The following STAG1 variants were observed in gnomAD, a reference collection of about 807,000 sequenced individuals.
STAG1 encodes the protein STAG1 cohesin complex component.
In STAG1, 26 loss-of-function variants were observed where a neutral mutation model predicts 170.9. The observed-to-expected ratio is 0.15, with a 90% confidence interval of 0.11 to 0.21. The LOEUF (loss-of-function observed/expected upper bound fraction) is 0.21, where lower values mean the gene tolerates loss of function less well. Ranked by LOEUF, STAG1 falls within the 10% of genes least tolerant of loss-of-function variation. The probability of loss-of-function intolerance (pLI) is 1.00; values close to 1 mark genes in which losing one functional copy is unlikely to be tolerated. For missense variants in STAG1, 964 were observed against 1,509.5 expected, an observed-to-expected ratio of 0.64 and a Z score of 5.99; for synonymous variants, 514 against 497.7, an observed-to-expected ratio of 1.03 and a Z score of -0.44.
intron 6 of STAG1, among the ~76,000 whole-genome samples, chr3:136,530,051 C>T (rs1345707190): frequency 6.6e-6 from 1 of 151,988 alleles, no homozygotes; most frequent in Non-Finnish European, 1.5e-5. Flanking sequence ...AAAGATATTC[C>T]ACACAAATAG....
chr3:136,498,282 C>T (rs7429186), intron 9 of STAG1, among the ~76,000 whole-genome samples: 27,169 of 97,310 alleles, frequency 0.28, 5,344 homozygotes, highest in East Asian at 0.7. Flanking sequence ...ACCACACACA[C>T]ATACACACAC....
intron 26 of STAG1, among the ~76,000 whole-genome samples, chr3:136,362,878 TAA>T (rs1477821023): frequency 1.3e-5 from 2 of 151,892 alleles, no homozygotes; most frequent in Admixed American, 6.6e-5. Context: ...GCCACTGATA[TAA>T]GACTTTTATC....
intron 21 of STAG1, among the ~76,000 whole-genome samples, chr3:136,403,161 GAGGTTTTATGAGTCA>G (rs1369104491): frequency 7.9e-6 from 1 of 126,998 alleles, no homozygotes; most frequent in African/African-American, 2.9e-5. Context: ...CTGGGAGGCA[GAGGTTTTATGAGTCA>G]AGATCACACC....
chr3:136,399,907 C>G (rs2087269567), intron 21 of STAG1, among the ~76,000 whole-genome samples: 1 of 151,966 alleles, frequency 6.6e-6, no homozygotes, highest in African/African-American at 2.4e-5. Flanking sequence ...AATAATAAAA[C>G]TTTCTGAAAA....
intron 14 of STAG1, among the ~76,000 whole-genome samples, chr3:136,450,220 T>C (rs1441206489): frequency 2.0e-5 from 3 of 152,148 alleles, no homozygotes; most frequent in Non-Finnish European, 4.4e-5. Flanking sequence ...TTCAAATCAT[T>C]AGTATGCAAA....
At chr3:136,438,235 C>G (rs1018329081) in intron 15 of STAG1, among the ~76,000 whole-genome samples, 10 of 106,344 alleles carry the variant, frequency 9.4e-5, no homozygotes, top group African/African-American at 2.7e-4. Context: ...CGTTTAGTTT[C>G]TTTTCTTTTT....
At chr3:136,723,348 C>T (rs1933425160) in intron 1 of STAG1, among the ~76,000 whole-genome samples, 1 of 151,770 alleles carries the variant, frequency 6.6e-6, no homozygotes, top group South Asian at 2.1e-4. Flanking sequence ...CCCGCCGCCC[C>T]GTCTGGGATG....
At chr3:136,341,710 C>T (rs374059638) in intron 30 of STAG1, among the ~76,000 whole-genome samples, 159 bp from the exon 31 acceptor site, 1 of 152,062 alleles carries the variant, frequency 6.6e-6, no homozygotes, top group East Asian at 1.9e-4. Context: ...AATAAGTTGC[C>T]CAAAGATATC....
chr3:136,336,307 A>T lies in STAG1; in HGVS notation c.*1947T>A, dbSNP rs557280055. On this transcript the variant is annotated 3_prime_UTR_variant, in exon 34 of 34. Transcript: ENST00000383202. ...ATTGTACAAAAGGAAAAAAAACCTCATATTGCAAATGTACAATTTACAGAA... is the reference window on the plus strand; with the variant it reads ...ATTGTACAAAAGGAAAAAAAACCTCTTATTGCAAATGTACAATTTACAGAA... The T allele has an allele frequency of 1.3e-5, 2 of 152,226 alleles. 1 individual carries two copies. Among genetic ancestry groups the T allele is most frequent in the East Asian group, 3.8e-4 (2 of 5,202 alleles). The allele number at this position is 152,226 out of a possible 1,614,324, so 9.4% of individuals were successfully genotyped here. A position where few individuals can be genotyped will look rare whatever the true frequency, so the allele number is the denominator to read the frequency against.
At chr3:136,476,695 G>C (rs895411646) in intron 10 of STAG1, among the ~76,000 whole-genome samples, 1 of 152,028 alleles carries the variant, frequency 6.6e-6, no homozygotes, top group African/African-American at 2.4e-5. Flanking sequence ...GCTCTACTTT[G>C]GGGCTCTAAT....
At chr3:136,516,887 G>A (rs751504992) in intron 7 of STAG1, among the ~76,000 whole-genome samples, 2 of 152,160 alleles carry the variant, frequency 1.3e-5, no homozygotes, top group South Asian at 4.1e-4. Context: ...AGACGAATAT[G>A]AATTCAGACA....
intron 23 of STAG1, among the ~76,000 whole-genome samples, chr3:136,374,876 C>CA (rs1189073419): frequency 3.9e-5 from 6 of 152,098 alleles, no homozygotes; most frequent in African/African-American, 1.4e-4. Context: ...ATCACTCATT[C>CA]ACTCACTCAG....
chr3:136,708,669 A>C (rs1043866700), intron 1 of STAG1, among the ~76,000 whole-genome samples: 1 of 152,212 alleles, frequency 6.6e-6, no homozygotes, highest in Non-Finnish European at 1.5e-5. Flanking sequence ...AGTATGAAGT[A>C]TCAAACACTA....
chr3:136,509,615 G>C (rs1161028590), intron 7 of STAG1, among the ~76,000 whole-genome samples: 1 of 152,084 alleles, frequency 6.6e-6, no homozygotes, highest in Non-Finnish European at 1.5e-5. Flanking sequence ...AGGACAAGAA[G>C]AGTGTGAAGA....
intron 20 of STAG1, among the ~76,000 whole-genome samples, chr3:136,418,645 A>T (rs921698263): frequency 1.4e-4 from 20 of 146,824 alleles, no homozygotes; most frequent in Middle Eastern, 3.6e-3. Flanking sequence ...ATATAATAGT[A>T]TTTTTTTTTT....
chr3:136,452,294 G>A (rs530256481), intron 13 of STAG1, 147 bp from the exon 14 acceptor site: 1 of 594,000 alleles, frequency 1.7e-6, no homozygotes, highest in African/African-American at 1.9e-5. Flanking sequence ...GCCAGGTGCA[G>A]AGGCTCATGC....
At chr3:136,716,687 C>CTAA (rs937434054) in intron 1 of STAG1, among the ~76,000 whole-genome samples, 1 of 152,138 alleles carries the variant, frequency 6.6e-6, no homozygotes. Context: ...TTCTAATTAG[C>CTAA]TAACCAATCC....
chr3:136,521,468 T>C (rs976465937), intron 6 of STAG1, 51 bp from the exon 7 acceptor site: 1 of 1,546,998 alleles, frequency 6.5e-7, no homozygotes, highest in Non-Finnish European at 8.8e-7. Context: ...CAGAGTTTGA[T>C]GAAAGCTTTT....
At chr3:136,464,307 C>A (rs1312733524) in intron 13 of STAG1, among the ~76,000 whole-genome samples, 4 of 151,912 alleles carry the variant, frequency 2.6e-5, no homozygotes, top group African/African-American at 9.7e-5. Context: ...CCTGTAATCC[C>A]AGCTACTTGG....
Sources: gnomAD v4.1 joint callset for allele counts (sites outside exome capture counted in the v4.1 genomes callset) on GRCh38, gnomAD v4.1.1 for gene constraint, MANE v1.5 for transcripts, NCBI Gene and HGNC (gene_info 2026-07-23, HGNC 2026-07-21) for gene names.